The following MYO5B variants were observed in gnomAD, a reference collection of about 807,000 sequenced individuals.
The protein encoded by MYO5B is myosin VB, also known as unconventional myosin-Vb.
MYO5B carries 143 observed loss-of-function variants against 229.3 expected under a neutral mutation model. The observed-to-expected ratio is 0.62, with a 90% confidence interval of 0.54 to 0.72. The LOEUF is 0.72. Among genes scored for constraint, MYO5B ranks in the 30% least tolerant of loss-of-function variants. MYO5B has a pLI of 0.00. For synonymous variants in MYO5B, 918 were observed against 885.2 expected (o/e 1.04, Z -0.66); for missense variants, 2,321 against 2,331.0 (o/e 1.00, Z 0.09).
At chr18:50,105,248 T>TAAATAAATAAAA (rs1248634941) in intron 1 of MYO5B, among the ~76,000 whole-genome samples, 3 of 131,674 alleles carry the variant, frequency 2.3e-5, no homozygotes, top group African/African-American at 8.6e-5. Context: ...AATAAATAAA[T>TAAATAAATAAAA]AAAAAATAGA....
intron 2 of MYO5B, among the ~76,000 whole-genome samples, chr18:50,050,931 C>A (rs939330476): frequency 6.6e-6 from 1 of 152,220 alleles, no homozygotes; most frequent in Non-Finnish European, 1.5e-5. Context: ...TGCTTCTCCA[C>A]GTGCTCTTGT....
intron 1 of MYO5B, among the ~76,000 whole-genome samples, chr18:50,082,552 T>C (rs1337142465): frequency 6.6e-6 from 1 of 152,246 alleles, no homozygotes; most frequent in East Asian, 1.9e-4. Flanking sequence ...ATTGATAAAA[T>C]ATACCAATGT....
intron 5 of MYO5B, among the ~76,000 whole-genome samples, chr18:49,996,345 C>G (rs1432543264): frequency 6.6e-6 from 1 of 152,090 alleles, no homozygotes; most frequent in Non-Finnish European, 1.5e-5. Flanking sequence ...GAAATTCTCA[C>G]ATAATTCAAG....
At chr18:49,827,914 T>C (rs2023865947) in intron 39 of MYO5B, among the ~76,000 whole-genome samples, 1 of 152,102 alleles carries the variant, frequency 6.6e-6, no homozygotes, top group Non-Finnish European at 1.5e-5. Flanking sequence ...AGAGGGAGTC[T>C]TGAAGGCAGT....
chr18:49,908,680 A>C (rs527938378), intron 18 of MYO5B, among the ~76,000 whole-genome samples: 1 of 152,302 alleles, frequency 6.6e-6, no homozygotes, highest in Non-Finnish European at 1.5e-5. Context: ...TCAGGCTTGC[A>C]CGACAGCCAG....
intron 27 of MYO5B, among the ~76,000 whole-genome samples, chr18:49,866,886 A>T (rs1749020712): frequency 1.3e-5 from 2 of 152,182 alleles, no homozygotes; most frequent in African/African-American, 4.8e-5. Context: ...GTAGGGCCAG[A>T]GGGTAAGGGG....
chr18:50,192,078 A>G (rs1336433231), intron 1 of MYO5B, among the ~76,000 whole-genome samples: 11 of 49,034 alleles, frequency 2.2e-4, no homozygotes, highest in African/African-American at 1.7e-3. Context: ...TTTGAGAGAA[A>G]AAAAAAAAAA....
chr18:50,045,211 A>C (rs1473245489), intron 2 of MYO5B, among the ~76,000 whole-genome samples: 1 of 152,182 alleles, frequency 6.6e-6, no homozygotes, highest in Admixed American at 6.5e-5. Context: ...CGTTGTAAGC[A>C]ATTTGTGAGG....
chr18:49,910,816 A>C (rs1250883789), intron 18 of MYO5B, among the ~76,000 whole-genome samples: 2 of 152,188 alleles, frequency 1.3e-5, no homozygotes, highest in East Asian at 3.8e-4. Flanking sequence ...AAAACCTGAA[A>C]AATTAAAATT....
intron 1 of MYO5B, among the ~76,000 whole-genome samples, chr18:50,088,206 G>A (rs2031372893): frequency 6.6e-6 from 1 of 152,134 alleles, no homozygotes; most frequent in Non-Finnish European, 1.5e-5. Context: ...CAGGATTATA[G>A]GTGGACCATG....
intron 25 of MYO5B, among the ~76,000 whole-genome samples, chr18:49,876,607 C>G (rs1441818849): frequency 6.6e-6 from 1 of 152,168 alleles, no homozygotes; most frequent in Non-Finnish European, 1.5e-5. Flanking sequence ...AACATAAAAC[C>G]AGTGATGACA....
intron 17 of MYO5B, among the ~76,000 whole-genome samples, chr18:49,925,350 C>G (rs1004791504): frequency 6.6e-6 from 1 of 152,196 alleles, no homozygotes; most frequent in Admixed American, 6.5e-5. Flanking sequence ...TTGTCTGAAC[C>G]AAACCATTGT....
chr18:50,113,381 T>C (rs868636041), intron 1 of MYO5B, among the ~76,000 whole-genome samples: 8 of 152,312 alleles, frequency 5.3e-5, no homozygotes, highest in Middle Eastern at 6.8e-3. Flanking sequence ...TTTTTGCCAG[T>C]TGCACTGTAG....
chr18:49,937,890 G>A (rs994118131), intron 14 of MYO5B, among the ~76,000 whole-genome samples: 1 of 152,160 alleles, frequency 6.6e-6, no homozygotes, highest in Non-Finnish European at 1.5e-5. Flanking sequence ...TCTTTTTGGA[G>A]TAATAAAAAT....
At chr18:50,112,863 T>G (rs779569741) in intron 1 of MYO5B, among the ~76,000 whole-genome samples, 1 of 152,236 alleles carries the variant, frequency 6.6e-6, no homozygotes, top group Non-Finnish European at 1.5e-5. Context: ...CACAGCAACG[T>G]ATTTTAAAAA....
chr18:49,905,729 ACAACCGAGGGTAGGGT>A lies in MYO5B; in HGVS notation c.2414+674_2414+689del, dbSNP rs2024891515. On this transcript the variant is annotated intron_variant, in intron 19 of 39. Transcript: ENST00000285039. Reference sequence around the variant, plus strand: ...GAACCAGGCCTGGGCTCAAAACCTAACAACCGAGGGTAGGGTCAGAGGGCAGGCTGTCTTCAGCCTG... The same window carrying A: ...GAACCAGGCCTGGGCTCAAAACCTAACAGAGGGCAGGCTGTCTTCAGCCTG... 2.6e-5 allele frequency among the ~76,000 whole-genome samples: 4 copies of A among 152,268 alleles called. No homozygotes were observed. The South Asian group carries it at 8.3e-4, about 32-fold the overall frequency.
chr18:50,088,862 G>C (rs186831005), intron 1 of MYO5B, among the ~76,000 whole-genome samples: 39 of 152,024 alleles, frequency 2.6e-4, no homozygotes, highest in Admixed American at 1.3e-3. Context: ...CACCTTTTTG[G>C]TTCTTCCAAA....
chr18:49,848,282 T>C (rs1436575933), intron 32 of MYO5B, among the ~76,000 whole-genome samples: 1 of 148,090 alleles, frequency 6.8e-6, no homozygotes, highest in Non-Finnish European at 1.5e-5. Flanking sequence ...ACGGAGGAGG[T>C]GGGATGAAGG....
chr18:49,972,037 C>T (rs946271789), intron 10 of MYO5B, among the ~76,000 whole-genome samples: 15 of 152,122 alleles, frequency 9.9e-5, no homozygotes, highest in Admixed American at 5.2e-4. Context: ...CGGGACCCTG[C>T]CCTCATGGAA....
Sources: allele counts gnomAD v4.1 joint callset (sites outside exome capture counted in the v4.1 genomes callset), GRCh38; gene constraint gnomAD v4.1.1; transcripts MANE v1.5; gene names NCBI Gene and HGNC (gene_info 2026-07-23, HGNC 2026-07-21).